Variants in PAX7 observed in about 807,000 individuals in gnomAD.
The protein encoded by PAX7 is paired box 7.
A neutral mutation model predicts 50.7 loss-of-function variants in PAX7; 18 were observed. That is an observed-to-expected ratio of 0.36 (90% CI 0.25 to 0.53). The LOEUF is 0.53. Among genes scored for constraint, PAX7 ranks in the 20% least tolerant of loss-of-function variants. The pLI, the probability that PAX7 is intolerant of heterozygous loss-of-function variation, is 0.93. For synonymous variants in PAX7, 310 were observed against 290.4 expected (o/e 1.07, Z -0.69); for missense variants, 644 against 702.9 (o/e 0.92, Z 0.95).
intron 7 of PAX7, among the ~76,000 whole-genome samples, chr1:18,704,273 C>A (rs113724073): frequency 0.018 from 2,763 of 152,328 alleles, 95 homozygotes; most frequent in African/African-American, 0.063. Flanking sequence ...CAGCCATGTC[C>A]ATTTATGTAT....
At chr1:18,742,403 A>T (rs747201980) in intron 8 of PAX7, among the ~76,000 whole-genome samples, 6 of 152,022 alleles carry the variant, frequency 3.9e-5, no homozygotes, top group Non-Finnish European at 8.8e-5. Flanking sequence ...TGATCCACCC[A>T]CCTTGGCCTC....
rs1238170263 is a variant in PAX7, at chr1:18,634,515, G to A, written c.298G>A (p.Ala100Thr). 1 of 1,613,966 alleles carries A rather than the reference G, an allele frequency of 6.2e-7. No individual in the cohort carries two copies. The highest frequency in any genetic ancestry group is 8.5e-7 in the Non-Finnish European group (1 of 1,180,048). The change falls in exon 2 of 9, where the codon GCC becomes ACC. Residue 100 changes from alanine (A) to threonine (T), a missense_variant. Transcript: ENST00000420770. This position sits in a 1 kb window ranked among gnomAD's most constrained non-coding sequence, Gnocchi z 4.0. ...YQETGSIRPG[A>T]IGGSKPRQVA... ...GGAGACCGGGTCCATCCGGCCTGGG[G>A]CCATCGGCGGCAGCAAGCCCAGAGT... is the stretch of plus-strand genomic sequence containing the variant.
At chr1:18,709,658 AC>A (rs1362275008) in intron 7 of PAX7, among the ~76,000 whole-genome samples, 2 of 152,096 alleles carry the variant, frequency 1.3e-5, no homozygotes, top group East Asian at 1.9e-4. Flanking sequence ...AGATGAGGAA[AC>A]CTTCCTTGTC....
chr1:18,719,531 C>T (rs1041540915), intron 7 of PAX7, among the ~76,000 whole-genome samples: 3 of 152,208 alleles, frequency 2.0e-5, no homozygotes, highest in Non-Finnish European at 2.9e-5. Context: ...CTCTGACCAG[C>T]GGCATCGAAG....
intron 6 of PAX7, among the ~76,000 whole-genome samples, chr1:18,702,059 G>T (rs111284217): frequency 6.6e-6 from 1 of 152,088 alleles, no homozygotes; most frequent in South Asian, 2.1e-4. Context: ...TGGGCTGGGC[G>T]CAGTGGCTCA....
intron 7 of PAX7, 98 bp downstream of exon 7, chr1:18,703,394 C>T (rs925360091): frequency 2.3e-5 from 25 of 1,075,338 alleles, no homozygotes; most frequent in Middle Eastern, 4.0e-4. Flanking sequence ...TTTCCTGTAG[C>T]AGGCTGACTG....
In PAX7 at chr1:18,647,403, C is replaced by T. The variant is rs116593027; in HGVS notation, c.586+11032C>T. On this transcript the variant is annotated intron_variant, in intron 4 of 8. Transcript: ENST00000420770. ...CCCAGGGAGCTGGGTACAGAGGTCT[C>T]CAAAAGTCATCCCCGCTGTGGTGGC... Among the ~76,000 whole-genome samples, 184 of 150,702 alleles carry T rather than the reference C, an allele frequency of 1.2e-3. 1 individual carries two copies. Among genetic ancestry groups the T allele is most frequent in the African/African-American group, 4.3e-3 (176 of 41,156 alleles).
chr1:18,713,480 C>T (rs572469206), intron 7 of PAX7, among the ~76,000 whole-genome samples: 1 of 152,298 alleles, frequency 6.6e-6, no homozygotes, highest in African/African-American at 2.4e-5. Flanking sequence ...GATTTTGAGG[C>T]AGCTGATCAT....
chr1:18,640,718 T>C (rs112325525), intron 4 of PAX7, among the ~76,000 whole-genome samples: 13 of 151,708 alleles, frequency 8.6e-5, no homozygotes, highest in Admixed American at 7.9e-4. Flanking sequence ...CTTCGCATAA[T>C]GGGGGCTCGG....
At chr1:18,674,665 G>A (rs2088799791) in intron 4 of PAX7, among the ~76,000 whole-genome samples, 1 of 152,240 alleles carries the variant, frequency 6.6e-6, no homozygotes, top group African/African-American at 2.4e-5. Flanking sequence ...GGAGCCACGA[G>A]GGGCTAGGGC....
chr1:18,635,456 AAAGTT>A (rs1435471733), intron 3 of PAX7, among the ~76,000 whole-genome samples: 3 of 146,422 alleles, frequency 2.0e-5, no homozygotes, highest in Admixed American at 6.9e-5. Flanking sequence ...GGAAAGAAAA[AAAGTT>A]AAGAAAGGAG....
intron 7 of PAX7, among the ~76,000 whole-genome samples, chr1:18,706,928 C>G (rs2089291836): frequency 6.6e-6 from 1 of 152,130 alleles, no homozygotes; most frequent in African/African-American, 2.4e-5. Context: ...CATGCCTCCT[C>G]CAGTGGCTTG....
Position 18,744,974 on chromosome 1 carries a change from T to C in PAX7, c.*45T>C. Reference sequence around the variant, plus strand: ...CCCAGCCCAATTCCCAGCCCAACCCTAACTGACCCCTGAGCTTCCCAGCCT... The same window carrying C: ...CCCAGCCCAATTCCCAGCCCAACCCCAACTGACCCCTGAGCTTCCCAGCCT... On this transcript the variant is annotated 3_prime_UTR_variant, in exon 9 of 9. Transcript: ENST00000420770. 8.6e-7 allele frequency: 1 copy of C among 1,161,834 alleles called. No homozygotes were observed. Among genetic ancestry groups the C allele is most frequent in the Non-Finnish European group, 1.3e-6 (1 of 794,902 alleles). The allele number at this position is 1,161,834 out of a possible 1,614,324, so 72.0% of individuals were successfully genotyped here.
chr1:18,718,484 A>G (rs554877260), intron 7 of PAX7, among the ~76,000 whole-genome samples: 5 of 152,262 alleles, frequency 3.3e-5, no homozygotes, highest in African/African-American at 1.2e-4. Context: ...AGTGCAAGGC[A>G]GCCGGTCCCA....
chr1:18,643,807 G>C (rs2088296454), intron 4 of PAX7, among the ~76,000 whole-genome samples: 1 of 152,242 alleles, frequency 6.6e-6, no homozygotes, highest in Admixed American at 6.5e-5. Flanking sequence ...CGCTTAATTA[G>C]AGGCGAGCGA....
At chr1:18,659,956 G>A (rs1221034705) in intron 4 of PAX7, among the ~76,000 whole-genome samples, 1 of 152,214 alleles carries the variant, frequency 6.6e-6, no homozygotes, top group African/African-American at 2.4e-5. Context: ...AAGCCCAGCG[G>A]GCCATGTGCT....
intron 4 of PAX7, among the ~76,000 whole-genome samples, chr1:18,660,493 G>C (rs373349827): frequency 6.6e-6 from 1 of 152,110 alleles, no homozygotes. Context: ...GTGGAGGGAG[G>C]GTTGTTGTGG....
At chr1:18,740,093 C>T (rs1931040736) in intron 8 of PAX7, among the ~76,000 whole-genome samples, 1 of 152,154 alleles carries the variant, frequency 6.6e-6, no homozygotes, top group Admixed American at 6.5e-5. Flanking sequence ...ATTTAGAGCC[C>T]AGCCACGGGC....
chr1:18,643,128 C>T (rs1210391787), intron 4 of PAX7, among the ~76,000 whole-genome samples: 1 of 152,182 alleles, frequency 6.6e-6, no homozygotes, highest in African/African-American at 2.4e-5. Context: ...TCAAAAGAGG[C>T]CCCGAGGGCA....
Sources: allele counts gnomAD v4.1 joint callset (sites outside exome capture counted in the v4.1 genomes callset), GRCh38; gene constraint gnomAD v4.1.1; non-coding constraint Gnocchi (gnomAD v3.1); transcripts MANE v1.5; gene names NCBI Gene and HGNC (gene_info 2026-07-23, HGNC 2026-07-21).